The following RPS6KB2 variants were observed in gnomAD, a reference collection of about 807,000 sequenced individuals.
RPS6KB2 encodes ribosomal protein S6 kinase beta-2.
RPS6KB2 carries 51 observed loss-of-function variants against 58.2 expected under a neutral mutation model. The observed-to-expected ratio is 0.88, with a 90% CI of 0.70 to 1.11. The LOEUF (loss-of-function observed/expected upper bound fraction) is 1.11, where lower values mean the gene tolerates loss of function less well. Among genes scored for constraint, RPS6KB2 ranks in the 50% least tolerant of loss-of-function variants. RPS6KB2 has a pLI of 0.00. For synonymous variants in RPS6KB2, 293 were observed against 258.6 expected (o/e 1.13, Z -1.28); for missense variants, 671 against 655.8 (o/e 1.02, Z -0.25).
At chr11:67,432,265 T>G (rs1240817345) in intron 5 of RPS6KB2, 19 of 568,482 alleles carry the variant, frequency 3.3e-5, no homozygotes, top group Non-Finnish European at 6.3e-5. Context: ...TTCCCTGTCT[T>G]CTCTGCGAGA....
Position 67,432,854 on chromosome 11 carries a change from G to A in RPS6KB2, c.616+17G>A, listed in dbSNP as rs760224796. ...GCAGCCAGGGTGCGCATGTGTGTGC[G>A]GGCAGCTGCAGGCGGGGTCTGCAAT... On this transcript the variant is annotated intron_variant, in intron 7 of 14. Transcript: ENST00000312629. 2.0e-5 allele frequency: 33 copies of A among 1,611,798 alleles called. No homozygotes were observed. Among genetic ancestry groups the A allele is most frequent in the South Asian group, 1.6e-4 (15 of 91,048 alleles).
intron 5 of RPS6KB2, 54 bp downstream of exon 5, chr11:67,431,569 C>G: frequency 6.3e-7 from 1 of 1,580,324 alleles, no homozygotes. Context: ...GGCAGCGAGC[C>G]AGCAAAGGAA....
chr11:67,433,736 C>T (rs575347078), intron 10 of RPS6KB2, among the ~76,000 whole-genome samples: 5 of 152,212 alleles, frequency 3.3e-5, no homozygotes, highest in Non-Finnish European at 5.9e-5. Context: ...AGGGGGAGGC[C>T]GGACAGCCAC....
In RPS6KB2 at chr11:67,434,410, C is replaced by T. The variant is rs146762475; in HGVS notation, c.1081C>T (p.Arg361Cys). The T allele has an allele frequency of 2.3e-5, 37 of 1,613,250 alleles. No homozygotes were observed. Among genetic ancestry groups the T allele is most frequent in the Middle Eastern group, 1.6e-4 (1 of 6,062 alleles). The change falls in exon 13 of 15, where the codon CGC (arginine) becomes TGC (cysteine). Residue 361 changes from arginine (R) to cysteine (C), a missense_variant. Physicochemically the swap from Arg to Cys is radical, Grantham distance 180. Transcript: ENST00000312629. ...SEEDVSQFDT[R>C]FTRQTPVDSP... is the part of the protein sequence containing the mutation. ...GGAGGACGTGAGCCAGTTTGATACC[C>T]GCTTCACACGGCAGACGCCGGTGGA...
In RPS6KB2 at chr11:67,429,172, G is replaced by C; in HGVS notation, c.172G>C (p.Gly58Arg). ...GCTGACTGAGACCAGCGTGAACGTT[G>C]GCCCAGAGCGCATCGGGCCCCACTG... Reference protein sequence around the residue: ...VELTETSVNVGPERIGPHCFE... With the variant: ...VELTETSVNVRPERIGPHCFE... Residue 58 changes from glycine (G) to arginine (R), a missense_variant, in exon 3 of 15, where the codon GGC becomes CGC. Transcript: ENST00000312629. 2 of 1,613,930 alleles carry C rather than the reference G, an allele frequency of 1.2e-6. No homozygotes were observed. The highest frequency in any genetic ancestry group is 2.2e-5 in the South Asian group (2 of 91,090).
chr11:67,429,280 C>T, intron 3 of RPS6KB2, 40 bp downstream of exon 3: 1 of 1,608,018 alleles, frequency 6.2e-7, no homozygotes, highest in Non-Finnish European at 8.5e-7. Flanking sequence ...TCACAGCCTC[C>T]ATCTGGAGGC....
At position 67,432,584 on chromosome 11, in the gene RPS6KB2, C is replaced by T. The variant is rs776502579; in HGVS notation, c.458-16C>T. 1.3e-5 allele frequency: 21 copies of T among 1,613,974 alleles called. No homozygotes were observed. The highest frequency in any genetic ancestry group is 8.8e-5 in the South Asian group (8 of 91,082). ...CTTGGACCCAGCACGTGGCTGCTGACGTGTTTGTGTGGCAGGTGGCGAGCT... is the reference window on the plus strand; with the variant it reads ...CTTGGACCCAGCACGTGGCTGCTGATGTGTTTGTGTGGCAGGTGGCGAGCT... On this transcript the variant is annotated splice_polypyrimidine_tract_variant and intron_variant, in intron 5 of 14. Coordinates refer to ENST00000312629, the MANE Select transcript of RPS6KB2 (RefSeq NM_003952.3).
Position 67,429,123 on chromosome 11 carries a change from T to C in RPS6KB2, c.123T>C (p.Pro41=), listed in dbSNP as rs763276533. The change falls in exon 3 of 15, where the codon CCT becomes CCC. Residue 41 remains proline (P), a synonymous_variant. Transcript: ENST00000312629. The part of the protein sequence containing the change: ...LAELRAAGLE[P]VGHYEEVELT... ...CATTAACTCCTTGTGTCCGTAGGCC[T>C]GTGGGACACTATGAAGAGGTGGAGC... The C allele has an allele frequency of 6.2e-7, 1 of 1,613,980 alleles. No homozygotes were observed.
chr11:67,431,712 A>C (rs1051558326), intron 5 of RPS6KB2, 197 bp downstream of exon 5: 10 of 574,394 alleles, frequency 1.7e-5, no homozygotes, highest in African/African-American at 1.9e-5. Flanking sequence ...TCTGTCCAGC[A>C]CCTACTGTGT....
At chr11:67,434,878 C>G (rs1864211771) in intron 14 of RPS6KB2, 111 bp from the exon 15 acceptor site, 2 of 1,150,596 alleles carry the variant, frequency 1.7e-6, no homozygotes, top group African/African-American at 3.1e-5. Flanking sequence ...GTTTGTGGAG[C>G]CCGCGGCCTG....
chr11:67,431,084 A>G, intron 4 of RPS6KB2: 1 of 159,886 alleles, frequency 6.3e-6, no homozygotes, highest in South Asian at 1.6e-4. Context: ...CCCAGGCTGG[A>G]GTGCAGTGGC....
Position 67,434,077 on chromosome 11 carries a change from CA to C in RPS6KB2, c.969+21del. 1.2e-6 allele frequency: 2 copies of C among 1,613,786 alleles called. No individual in the cohort carries two copies. Among genetic ancestry groups the C allele is most frequent in the Non-Finnish European group, 1.7e-6 (2 of 1,179,770 alleles). ...GTGCAGGTGGGTTTGGGACCACCAC[CA>C]GGGGTAGGGCTGAGTCTCCAAGGGT... is the stretch of plus-strand genomic sequence containing the variant. On this transcript the variant is annotated intron_variant, in intron 11 of 14. Coordinates refer to ENST00000312629, the MANE Select transcript of RPS6KB2 (RefSeq NM_003952.3).
chr11:67,433,485 C>A, intron 10 of RPS6KB2, 38 bp downstream of exon 10: 1 of 1,452,720 alleles, frequency 6.9e-7, no homozygotes, highest in Non-Finnish European at 9.7e-7. Flanking sequence ...GCCCTGCCAG[C>A]CATTCTGCAC....
At chr11:67,433,521 G>A in intron 10 of RPS6KB2, 74 bp downstream of exon 10, 1 of 1,187,066 alleles carries the variant, frequency 8.4e-7, no homozygotes, top group Non-Finnish European at 1.3e-6. Flanking sequence ...TCTGGGCTGT[G>A]GGGAAGCCAG....
intron 10 of RPS6KB2, 50 bp from the exon 11 acceptor site, chr11:67,433,945 C>A: frequency 5.0e-6 from 8 of 1,604,848 alleles, no homozygotes; most frequent in Non-Finnish European, 6.8e-6. Context: ...GACCCGGGGA[C>A]ACATGAGCAG....
At position 67,434,665 on chromosome 11, in the gene RPS6KB2, C is replaced by G; in HGVS notation, c.1239C>G (p.Arg413=). ...AGCCCAAGCTGCGCTCACCCAGGCG[C>G]CTCAACAGTAGCCCCCGGGCCCCCG... ...SFQPKLRSPR[R]LNSSPRAPVS... Residue 413 remains arginine, a synonymous_variant, in exon 14 of 15, where the codon CGC becomes CGG. Coordinates refer to ENST00000312629, the MANE Select transcript of RPS6KB2 (RefSeq NM_003952.3). The G allele has an allele frequency of 6.2e-7, 1 of 1,610,312 alleles. No homozygotes were observed. Among genetic ancestry groups the G allele is most frequent in the Non-Finnish European group, 8.5e-7 (1 of 1,179,102 alleles).
chr11:67,433,223 C>T lies in RPS6KB2; in HGVS notation c.798+7C>T. On this transcript the variant is annotated splice_region_variant and intron_variant, in intron 9 of 14. Coordinates refer to ENST00000312629, the MANE Select transcript of RPS6KB2 (RefSeq NM_003952.3). ...CGACATGCTCACTGGATCGGCAAGT[C>T]CAGCCCCCGGGGAGGAGGAGGGGCA... is the stretch of plus-strand genomic sequence containing the variant. The T allele has an allele frequency of 6.2e-7, 1 of 1,606,850 alleles. No individual in the cohort carries two copies.
At chr11:67,432,296 G>A in intron 5 of RPS6KB2, 1 of 620,198 alleles carries the variant, frequency 1.6e-6, no homozygotes, top group East Asian at 3.4e-5. Flanking sequence ...TAAGCTCTTG[G>A]AGCTGTGGCC....
chr11:67,428,877 G>A, intron 1 of RPS6KB2, 105 bp from the exon 2 acceptor site: 1 of 1,335,000 alleles, frequency 7.5e-7, no homozygotes. Context: ...CCTACTAGCT[G>A]CCATCCCTGA....
Sources: allele counts gnomAD v4.1 joint callset (sites outside exome capture counted in the v4.1 genomes callset), GRCh38; gene constraint gnomAD v4.1.1; transcripts MANE v1.5; gene names NCBI Gene and HGNC (gene_info 2026-07-23, HGNC 2026-07-21).